The following SYNE2 variants were observed in gnomAD, a reference collection of about 807,000 sequenced individuals.
The protein encoded by SYNE2 is spectrin repeat containing nuclear envelope protein 2.
A neutral mutation model predicts 856.3 loss-of-function variants in SYNE2; 431 were observed. The ratio of observed to expected loss-of-function variants is 0.50; its 90% CI spans 0.47 to 0.55. The LOEUF (loss-of-function observed/expected upper bound fraction) is 0.55. SYNE2 is among the 20% of genes least tolerant of loss of function. The probability of loss-of-function intolerance (pLI) is 0.00; values close to 1 mark genes in which losing one functional copy is unlikely to be tolerated. For synonymous variants in SYNE2, 2,923 were observed against 2,872.3 expected (o/e 1.02, Z -0.56); for missense variants, 8,129 against 8,023.2 (o/e 1.01, Z -0.50).
chr14:63,977,473 T>C (rs2096553360), intron 12 of SYNE2, among the ~76,000 whole-genome samples: 1 of 152,108 alleles, frequency 6.6e-6, no homozygotes, highest in South Asian at 2.1e-4. Flanking sequence ...CGGCCTCCCA[T>C]AGTGCTGGGA....
chr14:64,167,046 A>G lies in SYNE2; in HGVS notation c.16606-187A>G, dbSNP rs2098383862. 2.5e-5 allele frequency: 17 copies of G among 667,466 alleles called. No homozygotes were observed. The South Asian group carries it at 3.2e-4, about 13-fold the overall frequency. 41.3% of individuals were successfully genotyped at this position (667,466 alleles called of 1,614,324 possible). On this transcript the variant is annotated intron_variant, in intron 90 of 115. Transcript: ENST00000555002. ...TGGCCGTGTTGCAGGTTGGTATTCT[A>G]GAAGGCACAGCATTGAGATAGCTGA...
chr14:63,986,310 G>A, intron 18 of SYNE2, 146 bp from the exon 19 acceptor site: 1 of 816,830 alleles, frequency 1.2e-6, no homozygotes, highest in South Asian at 1.5e-5. Flanking sequence ...TTGTTGCCCA[G>A]ACTGGTCACA....
At chr14:63,856,553 C>T (rs1303293271) in intron 1 of SYNE2, among the ~76,000 whole-genome samples, 3 of 152,042 alleles carry the variant, frequency 2.0e-5, no homozygotes, top group Non-Finnish European at 2.9e-5. Context: ...ATCATTTTTC[C>T]TTTTTTATTA....
chr14:64,122,010 A>G lies in SYNE2; in HGVS notation c.13159-2A>G, dbSNP rs1461939736. 6.2e-7 allele frequency: 1 copy of G among 1,613,330 alleles called. No individual in the cohort carries two copies. Among genetic ancestry groups the G allele is most frequent in the Non-Finnish European group, 8.5e-7 (1 of 1,179,968 alleles). On this transcript the variant is annotated splice_acceptor_variant, in intron 68 of 115. Transcript: ENST00000555002. LOFTEE classifies it high-confidence loss of function. ...GACCATTTGAATCTCATTCAATTAC[A>G]GGTTCTGGAGTTAAAACCAATGGAA...
intron 11 of SYNE2, among the ~76,000 whole-genome samples, chr14:63,969,196 G>A (rs888206470): frequency 6.9e-6 from 1 of 145,676 alleles, no homozygotes; most frequent in Non-Finnish European, 1.5e-5. Flanking sequence ...TTGAGATGGA[G>A]TCTTGCTCCG....
chr14:64,192,737 A>T (rs1307387609), intron 99 of SYNE2, among the ~76,000 whole-genome samples: 1 of 152,236 alleles, frequency 6.6e-6, no homozygotes, highest in Non-Finnish European at 1.5e-5. Flanking sequence ...CCACAGTTAC[A>T]TAGCCAGCAT....
In SYNE2 at chr14:64,002,939, A is replaced by G. The variant is rs754407679; in HGVS notation, c.4006A>G (p.Lys1336Glu). 40 of 1,614,230 alleles carry G rather than the reference A, an allele frequency of 2.5e-5. No individual in the cohort carries two copies. Among genetic ancestry groups the G allele is most frequent in the Non-Finnish European group, 3.3e-5 (39 of 1,180,044 alleles). ...EDFLASLRTAKLSAEPVTDLS... is the reference protein window; with the variant it reads ...EDFLASLRTAELSAEPVTDLS... ...CTTTTTGGCGTCTCTCAGAACAGCT[A>G]AACTCTCTGCTGAGCCCGTTACAGA... The change falls in exon 30 of 116, where the codon AAA (lysine) becomes GAA (glutamate). Residue 1336 changes from lysine (K) to glutamate (E), a missense_variant. By Grantham distance (56) the Lys-to-Glu change is moderately conservative. This residue lies in a region of SYNE2 where 2,422 missense variants were observed against 2,357.4 expected (regional missense o/e 1.03). Coordinates refer to ENST00000555002, the MANE Select transcript of SYNE2 (RefSeq NM_182914.3).
At chr14:64,017,471 G>T in intron 33 of SYNE2, 124 bp from the exon 34 acceptor site, 2 of 776,516 alleles carry the variant, frequency 2.6e-6, no homozygotes, top group Non-Finnish European at 4.3e-6. Flanking sequence ...TTTTGTTGAT[G>T]AATAAAGCAG....
At chr14:64,060,449 C>T (rs2153585465) in intron 49 of SYNE2, among the ~76,000 whole-genome samples, 1 of 152,256 alleles carries the variant, frequency 6.6e-6, no homozygotes, top group East Asian at 1.9e-4. Flanking sequence ...CACCTAGGAG[C>T]TAGGGCCTGG....
intron 90 of SYNE2, 163 bp from the exon 91 acceptor site, chr14:64,167,070 G>A (rs970512402): frequency 8.7e-6 from 7 of 803,598 alleles, no homozygotes; most frequent in Non-Finnish European, 1.4e-5. Context: ...TGAGATAGCT[G>A]AATTCAGGTC....
intron 1 of SYNE2, among the ~76,000 whole-genome samples, chr14:63,880,623 T>C (rs2094837091): frequency 6.6e-6 from 1 of 151,964 alleles, no homozygotes; most frequent in South Asian, 2.1e-4. Context: ...CAACATCGGA[T>C]TCTGTTGATC....
chr14:63,944,917 C>T (rs1232600549), intron 6 of SYNE2, among the ~76,000 whole-genome samples: 3 of 126,532 alleles, frequency 2.4e-5, no homozygotes, highest in African/African-American at 9.3e-5. Flanking sequence ...AAGTGATTCT[C>T]ATGCCTCAGC....
At chr14:64,149,688 A>T (rs1024134288) in intron 84 of SYNE2, among the ~76,000 whole-genome samples, 5 of 152,226 alleles carry the variant, frequency 3.3e-5, no homozygotes, top group African/African-American at 1.2e-4. Flanking sequence ...ATATTTTAAA[A>T]ATATTTAATG....
intron 16 of SYNE2, 34 bp from the exon 17 acceptor site, chr14:63,982,596 C>T: frequency 6.3e-7 from 1 of 1,592,262 alleles, no homozygotes; most frequent in African/African-American, 1.3e-5. Flanking sequence ...AATATCGTGT[C>T]ATTAAGATAG....
In SYNE2 at chr14:63,949,812, T is replaced by C; in HGVS notation, c.409-13T>C. The C allele has an allele frequency of 6.2e-7, 1 of 1,614,112 alleles. No homozygotes were observed. The highest frequency in any genetic ancestry group is 1.1e-5 in the South Asian group (1 of 91,082). The stretch of plus-strand genomic sequence containing the variant: ...TGCTTTTATAAACGTTAAGTCTACT[T>C]TGCCTTCCTTAGATTGAGAAGCTTG... On this transcript the variant is annotated splice_polypyrimidine_tract_variant and intron_variant, in intron 6 of 115. Transcript: ENST00000555002.
chr14:64,113,692 T>G (rs2097831008), intron 66 of SYNE2, 121 bp downstream of exon 66: 1 of 1,107,068 alleles, frequency 9.0e-7, no homozygotes, highest in East Asian at 2.6e-5. Context: ...TACATTTATC[T>G]TGGCCTCAGC....
intron 30 of SYNE2, 62 bp downstream of exon 30, chr14:64,003,392 G>C: frequency 6.3e-7 from 1 of 1,596,096 alleles, no homozygotes; most frequent in African/African-American, 1.3e-5. Context: ...TTTCACTTCT[G>C]TTAGGTGAAA....
intron 1 of SYNE2, among the ~76,000 whole-genome samples, chr14:63,905,372 A>G (rs4902253): frequency 0.4 from 60,792 of 152,006 alleles, 14,666 homozygotes; most frequent in South Asian, 0.55. Flanking sequence ...TAGCAATGGC[A>G]TTGAATTTGT....
At position 64,188,576 on chromosome 14, in the gene SYNE2, A is replaced by G. The variant is rs1387096579; in HGVS notation, c.17739A>G (p.Glu5913=). 6.2e-7 allele frequency: 1 copy of G among 1,614,252 alleles called. No individual in the cohort carries two copies. The highest frequency in any genetic ancestry group is 8.5e-7 in the Non-Finnish European group (1 of 1,180,040). The stretch of plus-strand genomic sequence containing the variant: ...TGGCCATACGTAAACAGGAGATTGA[A>G]GACAGACTCAATACATGGGTTGTAT... ...LRVAIRKQEI[E]DRLNTWVVFN... is the part of the protein sequence containing the mutation. Residue 5913 remains glutamate (E), a synonymous_variant, in exon 98 of 116, where the codon GAA becomes GAG. Coordinates refer to ENST00000555002, the MANE Select transcript of SYNE2 (RefSeq NM_182914.3).
Sources: gnomAD v4.1 joint callset for allele counts (sites outside exome capture counted in the v4.1 genomes callset) on GRCh38, gnomAD v4.1.1 for gene constraint, gnomAD v4.1.1 regional missense constraint, MANE v1.5 for transcripts, NCBI Gene and HGNC (gene_info 2026-07-23, HGNC 2026-07-21) for gene names.